The following NBAS variants were observed in gnomAD, a reference collection of about 807,000 sequenced individuals.
The protein encoded by NBAS is NAG/BC035112 fusion.
A neutral mutation model predicts 302.5 loss-of-function variants in NBAS; 219 were observed. That is an observed-to-expected ratio of 0.72 (90% CI 0.65 to 0.81). The LOEUF (loss-of-function observed/expected upper bound fraction) is 0.81, where lower values mean the gene tolerates loss of function less well. NBAS is among the 30% of genes least tolerant of loss of function. NBAS has a pLI of 0.00. For missense variants in NBAS, 2,932 were observed against 2,841.6 expected (o/e 1.03, Z -0.72); for synonymous variants, 1,118 against 1,021.6 (o/e 1.09, Z -1.80).
At chr2:15,496,368 T>G (rs1681072832) in intron 11 of NBAS, among the ~76,000 whole-genome samples, 1 of 152,146 alleles carries the variant, frequency 6.6e-6, no homozygotes, top group Non-Finnish European at 1.5e-5. Flanking sequence ...CAGGGTTTTT[T>G]TCCAGAGCGA....
rs114720514 is a variant in NBAS at position 15,507,058 on chromosome 2, A to C, written c.886-2845T>G. The stretch of plus-strand genomic sequence containing the variant: ...GAAATGGGATGGTAGCTAGAGGGCA[A>C]AGTGGAGTCTGAAGAGTTTTTGTGA... On this transcript the variant is annotated intron_variant, in intron 10 of 51. Coordinates refer to ENST00000281513, the MANE Select transcript of NBAS (RefSeq NM_015909.4). Among the ~76,000 whole-genome samples the C allele has an allele frequency of 2.8e-3, 424 of 152,334 alleles. 3 individuals carry two copies. Among genetic ancestry groups the C allele is most frequent in the African/African-American group, 9.6e-3 (401 of 41,586 alleles).
the NBAS span, among the ~76,000 whole-genome samples, chr2:14,829,631 T>C: frequency 6.6e-6 from 1 of 152,174 alleles, no homozygotes; most frequent in African/African-American, 2.4e-5. Flanking sequence ...AAAGACAGCA[T>C]TCTGGTGCTC....
chr2:15,319,769 A>C (rs1671706829), intron 38 of NBAS, among the ~76,000 whole-genome samples: 1 of 152,164 alleles, frequency 6.6e-6, no homozygotes, highest in Non-Finnish European at 1.5e-5. Context: ...CTACCAACCA[A>C]AAAAAGTCCA....
At chr2:15,055,920 T>C in the NBAS span, among the ~76,000 whole-genome samples, 9 of 152,360 alleles carry the variant, frequency 5.9e-5, no homozygotes, top group East Asian at 7.7e-4. Flanking sequence ...CATCATAGTA[T>C]AAATTCTGCA....
Position 15,314,577 on chromosome 2 carries a change from C to T in NBAS, c.4583-5330G>A, listed in dbSNP as rs559540194. 3.3e-5 allele frequency among the ~76,000 whole-genome samples: 5 copies of T among 152,228 alleles called. No homozygotes were observed. The South Asian group carries it at 8.3e-4, about 25-fold the overall frequency. ...TAGAAAACCCACAGTCTTGAAAAAC[C>T]ACAGCCCAAAAAATCCACAACAGCT... On this transcript the variant is annotated intron_variant, in intron 38 of 51. Transcript: ENST00000281513.
In NBAS at chr2:15,408,169, T is replaced by C. The variant is rs1008734024; in HGVS notation, c.2938-5868A>G. On this transcript the variant is annotated intron_variant, in intron 25 of 51. Transcript: ENST00000281513. ...CTTCATAGGTTCAGGAATTAGGACATGGACACTTTGGGAGGCCATTATTCT... is the reference window on the plus strand; with the variant it reads ...CTTCATAGGTTCAGGAATTAGGACACGGACACTTTGGGAGGCCATTATTCT... Among the ~76,000 whole-genome samples, 6 of 152,174 alleles carry C rather than the reference T, an allele frequency of 3.9e-5. No homozygotes were observed. The East Asian group carries it at 1.2e-3, about 29-fold the overall frequency.
At chr2:15,375,914 G>C (rs947392604) in intron 30 of NBAS, among the ~76,000 whole-genome samples, 3 of 150,726 alleles carry the variant, frequency 2.0e-5, no homozygotes, top group African/African-American at 4.9e-5. Context: ...TAGAATATGA[G>C]TGAAAAAAAA....
chr2:15,496,373 G>A (rs1416526169), intron 11 of NBAS, among the ~76,000 whole-genome samples: 1 of 152,094 alleles, frequency 6.6e-6, no homozygotes, highest in Non-Finnish European at 1.5e-5. Flanking sequence ...TTTTTTTCCA[G>A]AGCGATAAGA....
At chr2:14,924,248 C>A in the NBAS span, among the ~76,000 whole-genome samples, 1 of 152,212 alleles carries the variant, frequency 6.6e-6, no homozygotes. Flanking sequence ...ATGCTCAATG[C>A]AGATTCCTGT....
chr2:15,221,733 A>C (rs1442986239), intron 47 of NBAS, among the ~76,000 whole-genome samples: 1 of 152,218 alleles, frequency 6.6e-6, no homozygotes, highest in Non-Finnish European at 1.5e-5. Flanking sequence ...AGCAAGAAAA[A>C]ACCAGCAAAA....
Position 15,462,585 on chromosome 2 carries a change from A to C in NBAS, c.2098-794T>G, listed in dbSNP as rs151249140. 2.3e-3 allele frequency among the ~76,000 whole-genome samples: 342 copies of C among 147,552 alleles called. 4 individuals are homozygous for C. Among genetic ancestry groups the C allele is most frequent in the African/African-American group, 7.3e-3 (298 of 40,682 alleles). On this transcript the variant is annotated intron_variant, in intron 19 of 51. Coordinates refer to ENST00000281513, the MANE Select transcript of NBAS (RefSeq NM_015909.4). ...ATTTGTTGACTGAATTAATTTGCTG[A>C]GACAGGAAAGAGAAGAATGAGGAGA...
chr2:15,546,687 C>T (rs1475040435), intron 6 of NBAS, among the ~76,000 whole-genome samples: 3 of 152,184 alleles, frequency 2.0e-5, no homozygotes, highest in African/African-American at 7.2e-5. Context: ...TAGATGGCGC[C>T]ACTGCACTCC....
At chr2:14,967,355 A>C in the NBAS span, among the ~76,000 whole-genome samples, 2 of 152,206 alleles carry the variant, frequency 1.3e-5, no homozygotes, top group Non-Finnish European at 2.9e-5. Context: ...GAAAAAGAGC[A>C]AAGTTGTAAG....
chr2:15,222,128 G>A (rs1278579466), intron 47 of NBAS, among the ~76,000 whole-genome samples: 1 of 152,156 alleles, frequency 6.6e-6, no homozygotes, highest in Admixed American at 6.5e-5. Context: ...ATAACTAAGT[G>A]CTTCAATTAA....
At chr2:15,541,098 AG>A (rs1267731716) in intron 6 of NBAS, among the ~76,000 whole-genome samples, 4 of 152,248 alleles carry the variant, frequency 2.6e-5, no homozygotes, top group African/African-American at 7.2e-5. Context: ...TTCCAGGTCT[AG>A]TTTGTTACCT....
At chr2:14,848,206 G>C in the NBAS span, among the ~76,000 whole-genome samples, 1 of 151,616 alleles carries the variant, frequency 6.6e-6, no homozygotes, top group Non-Finnish European at 1.5e-5. Flanking sequence ...AGTGGGCGCA[G>C]GACAGTGGGT....
the NBAS span, among the ~76,000 whole-genome samples, chr2:14,900,112 C>CTTTTTTTTTTTTT: frequency 1.4e-5 from 2 of 140,636 alleles, no homozygotes; most frequent in Non-Finnish European, 1.5e-5. Flanking sequence ...AAGTCACATG[C>CTTTTTTTTTTTTT]TTTTTTTTTT....
At chr2:15,298,443 C>T (rs1022193079) in intron 40 of NBAS, among the ~76,000 whole-genome samples, 1 of 152,064 alleles carries the variant, frequency 6.6e-6, no homozygotes, top group East Asian at 1.9e-4. Context: ...ACTAGTTTTT[C>T]CCTCTGAGCT....
At chr2:15,108,780 A>C in the NBAS span, among the ~76,000 whole-genome samples, 1 of 152,252 alleles carries the variant, frequency 6.6e-6, no homozygotes, top group African/African-American at 2.4e-5. Context: ...AGCATTAGGG[A>C]GATAGTCTTT....
Sources: gnomAD v4.1 joint callset for allele counts (sites outside exome capture counted in the v4.1 genomes callset) on GRCh38, gnomAD v4.1.1 for gene constraint, MANE v1.5 for transcripts, NCBI Gene and HGNC (gene_info 2026-07-23, HGNC 2026-07-21) for gene names.